LINGO2: variants seen among roughly 807,000 people sequenced by gnomAD.
LINGO2 encodes leucine-rich repeat and immunoglobulin-like domain-containing nogo receptor-interacting protein 2.
A neutral mutation model predicts 30.6 loss-of-function variants in LINGO2; 14 were observed. The ratio of observed to expected loss-of-function variants is 0.46; its 90% CI spans 0.30 to 0.72. The LOEUF (loss-of-function observed/expected upper bound fraction) is 0.72, where lower values mean the gene tolerates loss of function less well. LINGO2 is among the 30% of genes least tolerant of loss of function. LINGO2 has a pLI of 0.07. For synonymous variants in LINGO2, 317 were observed against 288.5 expected (o/e 1.10, Z -1.00); for missense variants, 729 against 751.7 (o/e 0.97, Z 0.35).
At chr9:27,948,695 A>G (rs1283202981) in exon 6 of LINGO2, 3 of 813,754 alleles carry the variant, frequency 3.7e-6, no homozygotes, top group Non-Finnish European at 5.9e-6. Flanking sequence ...CTTTCGATGG[A>G]GAGTCTCCAT....
chr9:28,186,593 G>C (rs979835275), intron 4 of LINGO2, among the ~76,000 whole-genome samples: 2 of 152,118 alleles, frequency 1.3e-5, no homozygotes, highest in Non-Finnish European at 2.9e-5. Context: ...TGGAGAGAGA[G>C]GGGACGTGTG....
At chr9:27,949,495 A>C in exon 6 of LINGO2, 2 of 1,614,114 alleles carry the variant, frequency 1.2e-6, no homozygotes, top group Non-Finnish European at 1.7e-6. Flanking sequence ...AAATCCTTGA[A>C]AGACCTCTCA....
chr9:28,896,802 A>G, the LINGO2 span, among the ~76,000 whole-genome samples: 3 of 152,088 alleles, frequency 2.0e-5, no homozygotes, highest in South Asian at 4.1e-4. Context: ...TTAGGGATTT[A>G]AGCAATGCCA....
chr9:28,520,177 C>T (rs1820775799), intron 1 of LINGO2, among the ~76,000 whole-genome samples: 1 of 152,084 alleles, frequency 6.6e-6, no homozygotes, highest in Non-Finnish European at 1.5e-5. Flanking sequence ...GTTCCTTTTA[C>T]ATTAGCTACA....
chr9:27,968,940 GAGA>G (rs1219486296), intron 5 of LINGO2, among the ~76,000 whole-genome samples: 1 of 151,596 alleles, frequency 6.6e-6, no homozygotes, highest in Non-Finnish European at 1.5e-5. Flanking sequence ...GAGAGGTAGA[GAGA>G]AGATCAAATA....
the LINGO2 span, among the ~76,000 whole-genome samples, chr9:29,123,518 A>C: frequency 6.6e-6 from 1 of 151,944 alleles, no homozygotes; most frequent in African/African-American, 2.4e-5. Context: ...CCTATGCCAA[A>C]TCCTATCTTA....
the LINGO2 span, among the ~76,000 whole-genome samples, chr9:29,060,460 A>G: frequency 2.0e-5 from 3 of 152,060 alleles, no homozygotes; most frequent in African/African-American, 2.4e-5. Flanking sequence ...AGTATTCTTC[A>G]TAGAATTATA....
intron 1 of LINGO2, among the ~76,000 whole-genome samples, chr9:28,661,366 A>G (rs866043126): frequency 1.3e-5 from 2 of 152,140 alleles, no homozygotes; most frequent in South Asian, 4.1e-4. Context: ...GGCCTGCCCT[A>G]CAGTTGACTT....
chr9:27,964,419 A>T (rs1205498643), intron 5 of LINGO2, among the ~76,000 whole-genome samples: 1 of 152,086 alleles, frequency 6.6e-6, no homozygotes, highest in Non-Finnish European at 1.5e-5. Flanking sequence ...TTGGCTAGGG[A>T]CTGATATATG....
the LINGO2 span, among the ~76,000 whole-genome samples, chr9:29,066,169 T>A: frequency 6.6e-6 from 1 of 151,904 alleles, no homozygotes; most frequent in African/African-American, 2.4e-5. Flanking sequence ...GATTGCTATA[T>A]TTCTTAATTC....
At chr9:28,356,096 A>G (rs1369329525) in intron 3 of LINGO2, among the ~76,000 whole-genome samples, 1 of 152,204 alleles carries the variant, frequency 6.6e-6, no homozygotes, top group Non-Finnish European at 1.5e-5. Flanking sequence ...AAAGCAATCA[A>G]TTGTGAATAC....
intron 4 of LINGO2, among the ~76,000 whole-genome samples, chr9:28,071,807 T>A (rs1287645655): frequency 6.6e-6 from 1 of 152,120 alleles, no homozygotes; most frequent in East Asian, 1.9e-4. Context: ...AATATAGATG[T>A]AGATATAAAA....
chr9:29,080,303 T>A, the LINGO2 span, among the ~76,000 whole-genome samples: 2 of 152,120 alleles, frequency 1.3e-5, no homozygotes, highest in Non-Finnish European at 2.9e-5. Flanking sequence ...CCCTTTATCA[T>A]TTTTTATTGC....
At chr9:28,867,482 A>G in the LINGO2 span, among the ~76,000 whole-genome samples, 2 of 151,904 alleles carry the variant, frequency 1.3e-5, no homozygotes, top group Non-Finnish European at 2.9e-5. Context: ...CTTTCAAGTA[A>G]AGAAAAAAAA....
In LINGO2 at chr9:28,601,415, C is replaced by T. The variant is rs373606487; in HGVS notation, c.-365+68785G>A. On this transcript the variant is annotated intron_variant, in intron 1 of 5. Transcript: ENST00000379992. ...CTTTGGCCAAGTTGATTTACTTCTG[C>T]GGTCTCTTGTTGAAAAATGTGTTGA... Among the ~76,000 whole-genome samples, 37 of 152,140 alleles carry T rather than the reference C, an allele frequency of 2.4e-4. No individual in the cohort carries two copies. The South Asian group carries it at 5.0e-3, about 20-fold the overall frequency.
At chr9:28,007,552 G>A (rs1376826584) in intron 5 of LINGO2, among the ~76,000 whole-genome samples, 2 of 152,048 alleles carry the variant, frequency 1.3e-5, no homozygotes, top group African/African-American at 4.8e-5. Flanking sequence ...TGGCTCTATT[G>A]ATAATTAAGA....
chr9:28,179,325 T>C (rs1349706793), intron 4 of LINGO2, among the ~76,000 whole-genome samples: 3 of 88,498 alleles, frequency 3.4e-5, no homozygotes, highest in Admixed American at 2.3e-4. Flanking sequence ...TACTATACTA[T>C]ATGTATATAT....
At chr9:28,076,356 A>T (rs1346841431) in intron 4 of LINGO2, among the ~76,000 whole-genome samples, 1 of 152,084 alleles carries the variant, frequency 6.6e-6, no homozygotes, top group African/African-American at 2.4e-5. Flanking sequence ...TACTTAATAA[A>T]ATCTAAAGTT....
chr9:28,433,647 G>C (rs536461705), intron 2 of LINGO2, among the ~76,000 whole-genome samples: 1 of 152,176 alleles, frequency 6.6e-6, no homozygotes, highest in Admixed American at 6.5e-5. Context: ...CATGGATGTG[G>C]TGAAAAGGGA....
Sources: gnomAD v4.1 joint callset for allele counts (sites outside exome capture counted in the v4.1 genomes callset) on GRCh38, gnomAD v4.1.1 for gene constraint, MANE v1.5 for transcripts, NCBI Gene and HGNC (gene_info 2026-07-23, HGNC 2026-07-21) for gene names.